Variants in ZMAT4 observed in about 807,000 individuals in gnomAD.
The protein encoded by ZMAT4 is zinc finger matrin-type protein 4.
ZMAT4 carries 17 observed loss-of-function variants against 28.7 expected under a neutral mutation model. That is an observed-to-expected ratio of 0.59 (90% CI 0.41 to 0.89). ZMAT4 has a LOEUF of 0.89. Ranked by LOEUF, ZMAT4 falls within the 40% of genes least tolerant of loss-of-function variation. The pLI, the probability that ZMAT4 is intolerant of heterozygous loss-of-function variation, is 0.00. For missense variants in ZMAT4, 240 were observed against 283.8 expected, an observed-to-expected ratio of 0.85 and a Z score of 1.11; for synonymous variants, 117 against 109.2, an observed-to-expected ratio of 1.07 and a Z score of -0.44.
chr8:40,647,305 A>G (rs1386525328), intron 5 of ZMAT4, among the ~76,000 whole-genome samples: 2 of 152,186 alleles, frequency 1.3e-5, no homozygotes, highest in African/African-American at 4.8e-5. Flanking sequence ...AGTCAAAGAA[A>G]GGGGTGACAG....
intron 5 of ZMAT4, among the ~76,000 whole-genome samples, chr8:40,637,045 G>A: frequency 6.7e-6 from 1 of 149,510 alleles, no homozygotes; most frequent in East Asian, 2.0e-4. Flanking sequence ...GTTCCAAAAA[G>A]AAGATGAGAG....
In ZMAT4 at chr8:40,734,411, C is replaced by T. The variant is rs117262421; in HGVS notation, c.192+33230G>A. Among the ~76,000 whole-genome samples, 92 of 152,262 alleles carry T rather than the reference C, an allele frequency of 6.0e-4. 1 individual carries two copies. In the East Asian group the frequency reaches 0.016, roughly 26 times the overall value. The stretch of plus-strand genomic sequence containing the variant: ...CCTGCGTGTGAACCACAATTGACTT[C>T]GTGAGACTTTACAAAATAAAAGAAA... On this transcript the variant is annotated intron_variant, in intron 3 of 6. Coordinates refer to ENST00000297737, the MANE Select transcript of ZMAT4 (RefSeq NM_024645.3).
At chr8:40,662,143 ATTT>A (rs34725435) in intron 5 of ZMAT4, among the ~76,000 whole-genome samples, 1 of 151,606 alleles carries the variant, frequency 6.6e-6, no homozygotes, top group South Asian at 2.1e-4. Flanking sequence ...TGCTTGGCTA[ATTT>A]TTTTTTTTAT....
chr8:40,873,497 G>A (rs1044865304), intron 1 of ZMAT4, among the ~76,000 whole-genome samples: 23 of 152,132 alleles, frequency 1.5e-4, no homozygotes, highest in Admixed American at 1.4e-3. Context: ...GCTTTGGGGA[G>A]TGAAAGACCC....
At chr8:40,769,417 G>T (rs1205801193) in intron 2 of ZMAT4, among the ~76,000 whole-genome samples, 4 of 152,162 alleles carry the variant, frequency 2.6e-5, no homozygotes, top group African/African-American at 9.7e-5. Flanking sequence ...TAAATTTGCA[G>T]CTTACTAACA....
chr8:40,798,375 C>T (rs575894060), intron 2 of ZMAT4, among the ~76,000 whole-genome samples: 4 of 152,344 alleles, frequency 2.6e-5, no homozygotes, highest in African/African-American at 9.6e-5. Flanking sequence ...GTCCCAATGC[C>T]AGGCTCTTTA....
At chr8:40,794,113 G>A (rs920556865) in intron 2 of ZMAT4, among the ~76,000 whole-genome samples, 2 of 152,030 alleles carry the variant, frequency 1.3e-5, no homozygotes, top group African/African-American at 4.8e-5. Context: ...GGAAATTTTT[G>A]AACTCAAACA....
In ZMAT4 at chr8:40,756,426, T is replaced by TTATATATATATATATATATATATA. The variant is rs72008675; in HGVS notation, c.192+11191_192+11214dup. ...AATTTCATGTCTAGGAAATGTTCTT[T>TTATATATATATATATATATATATA]TATATATATATATATATATATATAT... On this transcript the variant is annotated intron_variant, in intron 3 of 6. Coordinates refer to ENST00000297737, the MANE Select transcript of ZMAT4 (RefSeq NM_024645.3). Among the ~76,000 whole-genome samples the TTATATATATATATATATATATATA allele has an allele frequency of 9.0e-3, 657 of 72,918 alleles. 22 individuals are homozygous for TTATATATATATATATATATATATA. The highest frequency in any genetic ancestry group is 0.01 in the Non-Finnish European group (415 of 41,322). 47.8% of individuals were successfully genotyped at this position (72,918 alleles called of 152,430 possible).
chr8:40,573,490 A>T lies in ZMAT4; in HGVS notation c.674+7675T>A, dbSNP rs556502747. Among the ~76,000 whole-genome samples the T allele has an allele frequency of 9.7e-4, 147 of 152,232 alleles. 1 individual carries two copies. Among genetic ancestry groups the T allele is most frequent in the Non-Finnish European group, 1.4e-3 (97 of 67,998 alleles). On this transcript the variant is annotated intron_variant, in intron 6 of 6. Coordinates refer to ENST00000297737, the MANE Select transcript of ZMAT4 (RefSeq NM_024645.3). ...AATCTCCCTTTCCTTTCTCTTTTAA[A>T]GTCACCAGGCATTGGATTTAAGGCT...
At chr8:40,590,898 A>G (rs537371007) in intron 5 of ZMAT4, among the ~76,000 whole-genome samples, 32 of 152,182 alleles carry the variant, frequency 2.1e-4, no homozygotes, top group African/African-American at 7.5e-4. Flanking sequence ...AATGAGTTCT[A>G]CCTATTCCTC....
intron 3 of ZMAT4, among the ~76,000 whole-genome samples, chr8:40,723,912 G>T (rs777031549): frequency 1.3e-4 from 20 of 152,234 alleles, no homozygotes; most frequent in Middle Eastern, 6.8e-3. Flanking sequence ...TGCCACATGT[G>T]AAAATGCACC....
chr8:40,845,400 A>G (rs1233517195), intron 1 of ZMAT4, among the ~76,000 whole-genome samples: 1 of 152,182 alleles, frequency 6.6e-6, no homozygotes, highest in African/African-American at 2.4e-5. Context: ...GAAGTTATTA[A>G]TGGGTATCTC....
intron 4 of ZMAT4, among the ~76,000 whole-genome samples, chr8:40,679,831 G>T (rs1809076806): frequency 6.6e-6 from 1 of 152,152 alleles, no homozygotes; most frequent in Admixed American, 6.5e-5. Context: ...CACTTTGCAT[G>T]CAACAGACAC....
Position 40,618,252 on chromosome 8 carries a change from G to T in ZMAT4, c.578-36991C>A, listed in dbSNP as rs186293414. ...AACGAGAAAACAAATTCTTTGTCCT[G>T]GCATGACCAGGACAAAACAACACGA... is the stretch of plus-strand genomic sequence containing the variant. On this transcript the variant is annotated intron_variant, in intron 5 of 6. Coordinates refer to ENST00000297737, the MANE Select transcript of ZMAT4 (RefSeq NM_024645.3). 2.0e-3 allele frequency among the ~76,000 whole-genome samples: 299 copies of T among 152,248 alleles called. 2 individuals are homozygous for T. Among genetic ancestry groups the T allele is most frequent in the Non-Finnish European group, 3.0e-3 (207 of 68,026 alleles).
intron 2 of ZMAT4, among the ~76,000 whole-genome samples, chr8:40,821,190 T>C (rs574578044): frequency 6.6e-6 from 1 of 152,256 alleles, no homozygotes; most frequent in South Asian, 2.1e-4. Context: ...CCTTCATTCA[T>C]ACAAGCAACT....
intron 5 of ZMAT4, among the ~76,000 whole-genome samples, chr8:40,585,682 C>G (rs530641200): frequency 9.9e-5 from 15 of 152,208 alleles, no homozygotes; most frequent in African/African-American, 2.6e-4. Context: ...GTCCCCAAAC[C>G]CAGAGGCTAT....
chr8:40,746,790 C>T (rs1044717777), intron 3 of ZMAT4, among the ~76,000 whole-genome samples: 13 of 152,182 alleles, frequency 8.5e-5, no homozygotes, highest in Admixed American at 4.6e-4. Context: ...TTTTCTATGA[C>T]GACATCCTGC....
intron 6 of ZMAT4, among the ~76,000 whole-genome samples, chr8:40,556,478 A>C (rs1039459470): frequency 6.6e-6 from 1 of 152,062 alleles, no homozygotes; most frequent in Admixed American, 6.6e-5. Context: ...CCCTCTCTCC[A>C]ACTTAACAGT....
intron 5 of ZMAT4, among the ~76,000 whole-genome samples, chr8:40,674,067 G>A (rs944248352): frequency 1.4e-5 from 2 of 146,846 alleles, no homozygotes. Flanking sequence ...ATACTATTTG[G>A]CCTTTTTATC....
Sources: gnomAD v4.1 joint callset for allele counts (sites outside exome capture counted in the v4.1 genomes callset) on GRCh38, gnomAD v4.1.1 for gene constraint, MANE v1.5 for transcripts, NCBI Gene and HGNC (gene_info 2026-07-23, HGNC 2026-07-21) for gene names.